Variants in CHRM2 observed in about 807,000 individuals in gnomAD.
The protein encoded by CHRM2 is cholinergic receptor muscarinic 2, also known as muscarinic acetylcholine receptor M2.
A neutral mutation model predicts 25.0 loss-of-function variants in CHRM2; 8 were observed. The observed-to-expected ratio is 0.32, with a 90% confidence interval of 0.19 to 0.58. The LOEUF is 0.58. Among genes scored for constraint, CHRM2 ranks in the 20% least tolerant of loss-of-function variants. CHRM2 has a pLI of 0.88. For synonymous variants in CHRM2, 202 were observed against 205.7 expected, an observed-to-expected ratio of 0.98 and a Z score of 0.15; for missense variants, 440 against 567.1, an observed-to-expected ratio of 0.78 and a Z score of 2.28.
chr7:136,910,446 G>A (rs1203025493), intron 2 of CHRM2, among the ~76,000 whole-genome samples: 1 of 151,786 alleles, frequency 6.6e-6, no homozygotes, highest in African/African-American at 2.4e-5. Flanking sequence ...AGAACTTTAA[G>A]GCCCTTATAT....
chr7:136,955,137 C>T (rs2130869351), intron 2 of CHRM2, among the ~76,000 whole-genome samples: 1 of 152,256 alleles, frequency 6.6e-6, no homozygotes, highest in South Asian at 2.1e-4. Context: ...TTTTCTTTCA[C>T]ATTGGGCAAC....
chr7:136,938,274 C>T (rs563044455), intron 2 of CHRM2: 2 of 940,962 alleles, frequency 2.1e-6, no homozygotes, highest in African/African-American at 3.2e-5. Context: ...AAGAAGAGTG[C>T]TTCAGCTGCC....
intron 2 of CHRM2, among the ~76,000 whole-genome samples, chr7:136,987,861 T>G (rs980439229): frequency 3.3e-5 from 5 of 152,178 alleles, no homozygotes; most frequent in Non-Finnish European, 2.9e-5. Context: ...ACACTCCTTA[T>G]TGATCCCAAC....
At chr7:136,920,520 G>A (rs1798368787) in intron 2 of CHRM2, among the ~76,000 whole-genome samples, 1 of 152,080 alleles carries the variant, frequency 6.6e-6, no homozygotes. Context: ...TGAAACTGCA[G>A]CTTAGAACAT....
chr7:137,011,400 C>A (rs1804817562), intron 3 of CHRM2, among the ~76,000 whole-genome samples: 1 of 151,754 alleles, frequency 6.6e-6, no homozygotes, highest in South Asian at 2.1e-4. Context: ...AGCTTCAGCA[C>A]CCTAGGGCTC....
intron 2 of CHRM2, among the ~76,000 whole-genome samples, chr7:136,935,575 C>T (rs1040415091): frequency 6.6e-6 from 1 of 152,148 alleles, no homozygotes; most frequent in African/African-American, 2.4e-5. Flanking sequence ...CAGCTGTTTC[C>T]ATTGGGAGCT....
chr7:136,908,870 C>A (rs1411659684), intron 2 of CHRM2, among the ~76,000 whole-genome samples: 1 of 151,924 alleles, frequency 6.6e-6, no homozygotes, highest in Non-Finnish European at 1.5e-5. Context: ...AGACCCAAAG[C>A]TAAATCGACA....
chr7:137,003,791 C>A (rs1340607232), intron 3 of CHRM2, among the ~76,000 whole-genome samples: 1 of 152,108 alleles, frequency 6.6e-6, no homozygotes, highest in Non-Finnish European at 1.5e-5. Context: ...TTCCCATAAT[C>A]CCCACATGTT....
chr7:136,872,231 A>G (rs12533282), intron 2 of CHRM2, among the ~76,000 whole-genome samples: 19,989 of 152,170 alleles, frequency 0.13, 1,469 homozygotes, highest in Non-Finnish European at 0.17. Flanking sequence ...GCCTGGAGGC[A>G]AATTGGAGTG....
At chr7:136,926,169 G>A (rs980347850) in intron 2 of CHRM2, among the ~76,000 whole-genome samples, 19 of 152,030 alleles carry the variant, frequency 1.2e-4, no homozygotes, top group Non-Finnish European at 2.2e-4. Flanking sequence ...CTGGGAGGTC[G>A]AGGCTACAGT....
intron 2 of CHRM2, among the ~76,000 whole-genome samples, chr7:136,896,964 A>G (rs1163836012): frequency 1.3e-5 from 2 of 152,062 alleles, no homozygotes; most frequent in African/African-American, 4.8e-5. Context: ...AAGAGGGAAG[A>G]CTGAAAAGAA....
At chr7:136,964,395 A>G (rs1045043854) in intron 2 of CHRM2, among the ~76,000 whole-genome samples, 1 of 152,138 alleles carries the variant, frequency 6.6e-6, no homozygotes. Context: ...TTAAACTTCT[A>G]TGACCTCTGG....
chr7:136,982,533 T>C (rs1030426106), intron 2 of CHRM2, among the ~76,000 whole-genome samples: 4 of 152,104 alleles, frequency 2.6e-5, no homozygotes, highest in African/African-American at 9.7e-5. Context: ...TGTTTCTTCA[T>C]AGTCAATGGT....
chr7:136,957,255 A>ATG (rs10606389), intron 2 of CHRM2, among the ~76,000 whole-genome samples: 2,723 of 151,164 alleles, frequency 0.018, 207 homozygotes, highest in Admixed American at 0.15. Flanking sequence ...CATAGTGTAT[A>ATG]TGTGTGTGTG....
chr7:136,929,077 T>G (rs1798907436), intron 2 of CHRM2, among the ~76,000 whole-genome samples: 1 of 152,124 alleles, frequency 6.6e-6, no homozygotes, highest in African/African-American at 2.4e-5. Flanking sequence ...TGCGATCACG[T>G]GAAGGATTTT....
At chr7:136,960,858 G>T (rs1801027763) in intron 2 of CHRM2, among the ~76,000 whole-genome samples, 1 of 152,204 alleles carries the variant, frequency 6.6e-6, no homozygotes, top group African/African-American at 2.4e-5. Context: ...GGGCACAGTA[G>T]CTCACACCTG....
chr7:137,004,363 G>A (rs768101751), intron 3 of CHRM2, among the ~76,000 whole-genome samples: 5 of 152,006 alleles, frequency 3.3e-5, no homozygotes, highest in Admixed American at 6.6e-5. Context: ...TTTCACACTG[G>A]GCATAGTCCA....
At chr7:137,012,858 T>C (rs1804912458) in intron 3 of CHRM2, among the ~76,000 whole-genome samples, 1 of 151,976 alleles carries the variant, frequency 6.6e-6, no homozygotes. Context: ...AGATTTAAAG[T>C]TCTATAGATA....
intron 2 of CHRM2, among the ~76,000 whole-genome samples, chr7:136,975,925 T>A (rs1802076096): frequency 6.6e-6 from 1 of 152,178 alleles, no homozygotes; most frequent in African/African-American, 2.4e-5. Flanking sequence ...TCAAGGAGAA[T>A]GTATTCAGAT....
Sources: allele counts gnomAD v4.1 joint callset (sites outside exome capture counted in the v4.1 genomes callset), GRCh38; gene constraint gnomAD v4.1.1; transcripts MANE v1.5; gene names NCBI Gene and HGNC (gene_info 2026-07-23, HGNC 2026-07-21).